TPD52L1: variants seen among roughly 807,000 people sequenced by gnomAD.
TPD52L1 encodes the protein TPD52 like 1.
Under a neutral mutation model 28.7 loss-of-function variants are expected in TPD52L1, and 18 were observed. The ratio of observed to expected loss-of-function variants is 0.63; its 90% CI spans 0.43 to 0.93. The LOEUF (loss-of-function observed/expected upper bound fraction) is 0.93, where lower values mean the gene tolerates loss of function less well. TPD52L1 is among the 40% of genes least tolerant of loss of function. The pLI is 0.00. For synonymous variants in TPD52L1, 75 were observed against 88.8 expected, an observed-to-expected ratio of 0.84 and a Z score of 0.88; for missense variants, 203 against 254.8, an observed-to-expected ratio of 0.80 and a Z score of 1.39.
chr6:125,207,587 C>T (rs1008884164), intron 1 of TPD52L1, among the ~76,000 whole-genome samples: 2 of 152,196 alleles, frequency 1.3e-5, no homozygotes, highest in Non-Finnish European at 2.9e-5. Context: ...TTTGCTTCTT[C>T]CTCCAGAGCA....
intron 1 of TPD52L1, among the ~76,000 whole-genome samples, chr6:125,189,727 A>G (rs957901173): frequency 6.6e-6 from 1 of 152,144 alleles, no homozygotes; most frequent in African/African-American, 2.4e-5. Flanking sequence ...TCCTTTCACT[A>G]TTCTCATTGT....
chr6:125,250,295 G>A (rs1210016122), intron 4 of TPD52L1, among the ~76,000 whole-genome samples: 1 of 152,186 alleles, frequency 6.6e-6, no homozygotes, highest in East Asian at 1.9e-4. Flanking sequence ...CCTCTCAGAG[G>A]TTGTGCTCAG....
At position 125,247,559 on chromosome 6, in the gene TPD52L1, G is replaced by T. The variant is rs532597559; in HGVS notation, c.285-723G>T. Among the ~76,000 whole-genome samples, 7 of 152,160 alleles carry T rather than the reference G, an allele frequency of 4.6e-5. No individual in the cohort carries two copies. The South Asian group carries it at 1.0e-3, about 23-fold the overall frequency. On this transcript the variant is annotated intron_variant, in intron 3 of 6. Coordinates refer to ENST00000534000, the MANE Select transcript of TPD52L1 (RefSeq NM_003287.4). ...CTACTCCCAGTTCAGAGTCACAAAA[G>T]GTTGTCCCTTTTGATATCACCCACT...
intron 1 of TPD52L1, among the ~76,000 whole-genome samples, chr6:125,160,751 C>T (rs1010958672): frequency 6.6e-6 from 1 of 151,990 alleles, no homozygotes; most frequent in Non-Finnish European, 1.5e-5. Context: ...AGTTTAGCCA[C>T]TTTCATCAAC....
intron 1 of TPD52L1, chr6:125,203,658 C>A: frequency 7.1e-6 from 7 of 985,354 alleles, no homozygotes; most frequent in Non-Finnish European, 8.4e-6. Context: ...GTGCATAAGG[C>A]CACATGACCT....
intron 1 of TPD52L1, among the ~76,000 whole-genome samples, chr6:125,208,347 A>G (rs1259487533): frequency 3.3e-5 from 5 of 152,214 alleles, no homozygotes; most frequent in African/African-American, 1.2e-4. Flanking sequence ...TTCCTAGGAC[A>G]GAGGAAAAAG....
intron 1 of TPD52L1, among the ~76,000 whole-genome samples, chr6:125,207,126 G>C (rs1398156843): frequency 6.6e-6 from 1 of 152,124 alleles, no homozygotes; most frequent in African/African-American, 2.4e-5. Flanking sequence ...GAGTTTGGGA[G>C]ACATAAGCCA....
intron 1 of TPD52L1, among the ~76,000 whole-genome samples, chr6:125,195,357 C>T (rs1337140899): frequency 2.0e-5 from 3 of 152,184 alleles, no homozygotes; most frequent in African/African-American, 7.2e-5. Context: ...ACAATCACAT[C>T]TCTCTCAAGG....
chr6:125,228,172 G>A (rs1410236593), intron 2 of TPD52L1, among the ~76,000 whole-genome samples: 1 of 152,044 alleles, frequency 6.6e-6, no homozygotes, highest in Non-Finnish European at 1.5e-5. Context: ...TAAACCCTAG[G>A]GAAAGAAAGT....
intron 1 of TPD52L1, among the ~76,000 whole-genome samples, chr6:125,201,956 T>C (rs1006801242): frequency 6.6e-6 from 1 of 152,182 alleles, no homozygotes; most frequent in Non-Finnish European, 1.5e-5. Flanking sequence ...ATAAGAGACA[T>C]TGAAGAAATG....
At chr6:125,183,120 G>T (rs1230103964) in intron 1 of TPD52L1, among the ~76,000 whole-genome samples, 2 of 152,154 alleles carry the variant, frequency 1.3e-5, no homozygotes, top group Non-Finnish European at 2.9e-5. Flanking sequence ...TTTCAGTGTG[G>T]CCAGCCTGGG....
In TPD52L1 at chr6:125,201,876, A is replaced by T. The variant is rs115401694; in HGVS notation, c.20-18202A>T. On this transcript the variant is annotated intron_variant, in intron 1 of 6. Coordinates refer to ENST00000534000, the MANE Select transcript of TPD52L1 (RefSeq NM_003287.4). Reference sequence around the variant, plus strand: ...CTTTAGCATTTATTTTGCTACTCAGATTTCAGAAGGAAAAAGGATTTTTTT... The same window carrying T: ...CTTTAGCATTTATTTTGCTACTCAGTTTTCAGAAGGAAAAAGGATTTTTTT... Among the ~76,000 whole-genome samples, 206 of 152,316 alleles carry T rather than the reference A, an allele frequency of 1.4e-3. 1 individual carries two copies. The highest frequency in any genetic ancestry group is 4.9e-3 in the African/African-American group (203 of 41,560).
intron 1 of TPD52L1, among the ~76,000 whole-genome samples, chr6:125,199,456 G>A (rs1397207100): frequency 6.6e-6 from 1 of 152,136 alleles, no homozygotes; most frequent in Non-Finnish European, 1.5e-5. Flanking sequence ...AGGCTGCGGC[G>A]GGCAGAATCA....
intron 1 of TPD52L1, among the ~76,000 whole-genome samples, chr6:125,168,653 G>C (rs1369480643): frequency 6.6e-6 from 1 of 152,018 alleles, no homozygotes; most frequent in African/African-American, 2.4e-5. Flanking sequence ...AAGTAGCTGG[G>C]ACTACAGGCG....
chr6:125,154,103 C>T, intron 1 of TPD52L1, 133 bp downstream of exon 1: 1 of 1,427,814 alleles, frequency 7.0e-7, no homozygotes, highest in Non-Finnish European at 9.3e-7. Context: ...CCACTCCCAC[C>T]CGCGCCTTTG....
intron 1 of TPD52L1, among the ~76,000 whole-genome samples, chr6:125,194,761 A>T (rs990419107): frequency 6.6e-6 from 1 of 152,246 alleles, no homozygotes; most frequent in African/African-American, 2.4e-5. Flanking sequence ...TATTGGAATT[A>T]AATATTCCTT....
intron 1 of TPD52L1, among the ~76,000 whole-genome samples, chr6:125,166,976 G>A (rs1790951603): frequency 6.6e-6 from 1 of 152,118 alleles, no homozygotes; most frequent in East Asian, 1.9e-4. Flanking sequence ...ACTCTTATGG[G>A]CTGGGTAGGG....
chr6:125,224,286 G>A (rs563716977), intron 2 of TPD52L1, among the ~76,000 whole-genome samples: 12 of 152,270 alleles, frequency 7.9e-5, no homozygotes, highest in African/African-American at 2.9e-4. Context: ...AAGAGAAATA[G>A]GCATTAATAG....
At chr6:125,156,683 C>G (rs1469133077) in intron 1 of TPD52L1, among the ~76,000 whole-genome samples, 1 of 152,008 alleles carries the variant, frequency 6.6e-6, no homozygotes, top group East Asian at 1.9e-4. Context: ...GTGGGAGGAT[C>G]ACCTGAGCCC....
Sources: gnomAD v4.1 joint callset for allele counts (sites outside exome capture counted in the v4.1 genomes callset) on GRCh38, gnomAD v4.1.1 for gene constraint, MANE v1.5 for transcripts, NCBI Gene and HGNC (gene_info 2026-07-23, HGNC 2026-07-21) for gene names.